The following C12orf42 variants were observed in gnomAD, a reference collection of about 807,000 sequenced individuals.
C12orf42 encodes uncharacterized protein C12orf42.
C12orf42 carries 25 observed loss-of-function variants against 21.6 expected under a neutral mutation model. That is an observed-to-expected ratio of 1.16 (90% CI 0.84 to 1.62). The LOEUF (loss-of-function observed/expected upper bound fraction) is 1.62. Among genes scored for constraint, C12orf42 ranks in the 40% most tolerant of loss-of-function variants. C12orf42 has a pLI of 0.00. For missense variants in C12orf42, 483 were observed against 459.3 expected (o/e 1.05, Z -0.47); for synonymous variants, 174 against 175.0 (o/e 0.99, Z 0.05).
chr12:103,070,395 C>T, the C12orf42 span, among the ~76,000 whole-genome samples: 3 of 151,984 alleles, frequency 2.0e-5, no homozygotes, highest in African/African-American at 7.2e-5. Flanking sequence ...AGACTTGTCT[C>T]CTTCAGGTAG....
At chr12:103,301,378 A>AAAATC (rs149003400), downstream of C12orf42, among the ~76,000 whole-genome samples, 936 of 152,338 alleles carry the variant, frequency 6.1e-3, 6 homozygotes, top group African/African-American at 0.021. Flanking sequence ...CTAAACTCAT[A>AAAATC]AAATCAATTG....
chr12:103,065,557 T>C, the C12orf42 span, among the ~76,000 whole-genome samples: 60,488 of 152,052 alleles, frequency 0.4, 12,348 homozygotes, highest in East Asian at 0.52. Context: ...TGGTCCATTA[T>C]ACTGATGGTA....
intron 4 of C12orf42, among the ~76,000 whole-genome samples, chr12:103,330,339 T>A (rs967481559): frequency 6.6e-6 from 1 of 152,224 alleles, no homozygotes; most frequent in Admixed American, 6.5e-5. Flanking sequence ...TATTGTTTTA[T>A]CTTATTTTGC....
At chr12:103,448,656 T>C (rs544549336) in intron 2 of C12orf42, among the ~76,000 whole-genome samples, 2 of 152,030 alleles carry the variant, frequency 1.3e-5, no homozygotes, top group Admixed American at 6.6e-5. Flanking sequence ...AAAGAAGATA[T>C]ACAATTGGCC....
chr12:103,201,314 A>ATGACC, the C12orf42 span, among the ~76,000 whole-genome samples: 275 of 152,226 alleles, frequency 1.8e-3, 1 homozygote, highest in Middle Eastern at 3.4e-3. Flanking sequence ...AACAGTGACC[A>ATGACC]TGACCATTTT....
chr12:103,185,661 A>G, the C12orf42 span, among the ~76,000 whole-genome samples: 12 of 152,088 alleles, frequency 7.9e-5, no homozygotes, highest in South Asian at 1.0e-3. Context: ...CTGGTGGGAG[A>G]GAATTTGAAT....
the C12orf42 span, among the ~76,000 whole-genome samples, chr12:103,128,502 A>G: frequency 6.6e-6 from 1 of 152,198 alleles, no homozygotes; most frequent in African/African-American, 2.4e-5. Flanking sequence ...TTGATTTAGC[A>G]AACTCAGTAC....
At chr12:103,164,377 T>C in the C12orf42 span, 1 of 456,014 alleles carries the variant, frequency 2.2e-6, no homozygotes, top group Non-Finnish European at 4.4e-6. Flanking sequence ...CATTTATATA[T>C]GACTCTTTCT....
At chr12:103,489,388 A>C (rs1297632785) in intron 1 of C12orf42, among the ~76,000 whole-genome samples, 1 of 152,196 alleles carries the variant, frequency 6.6e-6, no homozygotes, top group East Asian at 1.9e-4. Context: ...GGTGTCTCCC[A>C]GTTAGGCTAC....
chr12:103,427,295 G>GAAAAAAAAAAAA (rs71097975), intron 2 of C12orf42, among the ~76,000 whole-genome samples: 1 of 120,620 alleles, frequency 8.3e-6, no homozygotes, highest in African/African-American at 3.3e-5. Context: ...AAAAAAAAAA[G>GAAAAAAAAAAAA]AAAAAAAAAA....
intron 2 of C12orf42, among the ~76,000 whole-genome samples, chr12:103,414,726 AT>A (rs1302563720): frequency 1.3e-5 from 2 of 152,142 alleles, no homozygotes; most frequent in Non-Finnish European, 2.9e-5. Flanking sequence ...AATACTACTG[AT>A]TTTTATACAT....
intron 4 of C12orf42, among the ~76,000 whole-genome samples, chr12:103,357,402 C>T (rs1371202863): frequency 6.6e-6 from 1 of 151,822 alleles, no homozygotes; most frequent in Non-Finnish European, 1.5e-5. Context: ...TTTCTTAATG[C>T]AAAAATAGCA....
the C12orf42 span, among the ~76,000 whole-genome samples, chr12:103,200,561 G>A: frequency 6.6e-6 from 1 of 152,158 alleles, no homozygotes; most frequent in Admixed American, 6.5e-5. Context: ...AGATTGAGGT[G>A]ATGGCTTCGC....
At chr12:103,100,539 G>A in the C12orf42 span, among the ~76,000 whole-genome samples, 2 of 152,180 alleles carry the variant, frequency 1.3e-5, no homozygotes, top group Non-Finnish European at 2.9e-5. Context: ...CATTAAACTG[G>A]GCTGCTATAG....
At chr12:103,397,445 A>G (rs1391890263) in intron 3 of C12orf42, among the ~76,000 whole-genome samples, 4 of 152,152 alleles carry the variant, frequency 2.6e-5, no homozygotes, top group African/African-American at 9.7e-5. Flanking sequence ...GTGGCACTAG[A>G]TTATCACAGG....
the C12orf42 span, among the ~76,000 whole-genome samples, chr12:103,165,982 G>A: frequency 4.4e-4 from 67 of 152,128 alleles, no homozygotes; most frequent in African/African-American, 1.6e-3. Flanking sequence ...GGAGGTTGGA[G>A]TGAGCCGAGA....
chr12:103,517,325 A>G, the C12orf42 span, among the ~76,000 whole-genome samples: 83 of 152,318 alleles, frequency 5.4e-4, no homozygotes, highest in African/African-American at 1.9e-3. Flanking sequence ...ACATATCCAC[A>G]TTGTCCCTTC....
the C12orf42 span, among the ~76,000 whole-genome samples, chr12:103,563,318 C>G: frequency 6.6e-6 from 1 of 152,148 alleles, no homozygotes; most frequent in Non-Finnish European, 1.5e-5. Context: ...TGATATGCTA[C>G]AGCCAATTGA....
At chr12:103,269,668 G>A (rs986598391) in intron 6 of C12orf42, 4 of 152,032 alleles carry the variant, frequency 2.6e-5, no homozygotes, top group Admixed American at 6.6e-5. Flanking sequence ...GGCACCCAGC[G>A]GGGTGCTTGG....
Sources: allele counts gnomAD v4.1 joint callset (sites outside exome capture counted in the v4.1 genomes callset), GRCh38; gene constraint gnomAD v4.1.1; transcripts MANE v1.5; gene names NCBI Gene and HGNC (gene_info 2026-07-23, HGNC 2026-07-21).